Variants in KPNA7 observed in about 807,000 individuals in gnomAD.
KPNA7 encodes importin subunit alpha-8.
Under a neutral mutation model 53.7 loss-of-function variants are expected in KPNA7, and 54 were observed. That is an observed-to-expected ratio of 1.01 (90% CI 0.81 to 1.26). KPNA7 has a LOEUF of 1.26. Ranked by LOEUF, KPNA7 falls within the 50% of genes most tolerant of loss-of-function variation. KPNA7 has a pLI of 0.00. For missense variants in KPNA7, 640 were observed against 644.5 expected (o/e 0.99, Z 0.07); for synonymous variants, 276 against 259.3 (o/e 1.06, Z -0.62).
chr7:99,183,344 C>T (rs1483927013), intron 8 of KPNA7, among the ~76,000 whole-genome samples: 1 of 152,070 alleles, frequency 6.6e-6, no homozygotes, highest in Admixed American at 6.6e-5. Context: ...TTCTTCTATT[C>T]CTGGGTAGGA....
chr7:99,151,551 ACTGATCCTCC>A, the KPNA7 span, among the ~76,000 whole-genome samples: 1 of 150,786 alleles, frequency 6.6e-6, no homozygotes, highest in East Asian at 2.0e-4. Flanking sequence ...CCTGGGCTTG[ACTGATCCTCC>A]AGCCTCAGGC....
intron 1 of KPNA7, among the ~76,000 whole-genome samples, chr7:99,216,008 T>C (rs1292644376): frequency 6.6e-6 from 1 of 151,584 alleles, no homozygotes; most frequent in Non-Finnish European, 1.5e-5. Context: ...CACTGAGTTA[T>C]ACACAGTCCA....
chr7:99,156,499 C>G, the KPNA7 span, among the ~76,000 whole-genome samples: 1 of 152,000 alleles, frequency 6.6e-6, no homozygotes, highest in African/African-American at 2.4e-5. Context: ...CCCTTTCAGC[C>G]TAGAGATTTA....
chr7:99,213,149 A>G, intron 1 of KPNA7, among the ~76,000 whole-genome samples: 1 of 146,446 alleles, frequency 6.8e-6, no homozygotes, highest in South Asian at 2.1e-4. Flanking sequence ...TTTTTTTGAG[A>G]CAGAGTCTCA....
the KPNA7 span, among the ~76,000 whole-genome samples, chr7:99,148,725 G>C: frequency 1.3e-5 from 2 of 151,998 alleles, no homozygotes; most frequent in African/African-American, 4.8e-5. Flanking sequence ...CCAAGTACCT[G>C]GGACTACAGG....
chr7:99,182,580 C>T (rs879701257), intron 8 of KPNA7, among the ~76,000 whole-genome samples: 20 of 152,094 alleles, frequency 1.3e-4, no homozygotes, highest in Admixed American at 5.9e-4. Context: ...AGTGATCCTC[C>T]CATCTCGGCC....
At chr7:99,205,551 A>G (rs1430963250) in intron 2 of KPNA7, among the ~76,000 whole-genome samples, 1 of 151,672 alleles carries the variant, frequency 6.6e-6, no homozygotes, top group African/African-American at 2.4e-5. Context: ...GATGCCAGTC[A>G]AGATACAGAG....
At chr7:99,200,371 G>C (rs1584306579) in intron 3 of KPNA7, among the ~76,000 whole-genome samples, 1 of 152,162 alleles carries the variant, frequency 6.6e-6, no homozygotes, top group South Asian at 2.1e-4. Context: ...CTTCTTATAA[G>C]AATCATCGAA....
At chr7:99,170,346 G>A (rs764362661), downstream of KPNA7, among the ~76,000 whole-genome samples, 9 of 152,152 alleles carry the variant, frequency 5.9e-5, 1 homozygote, top group Admixed American at 3.9e-4. Flanking sequence ...AAAGTGTCTC[G>A]AATTAAGTGA....
intron 10 of KPNA7, among the ~76,000 whole-genome samples, chr7:99,176,711 C>CA (rs368740635): frequency 3.3e-5 from 5 of 151,638 alleles, no homozygotes; most frequent in East Asian, 1.9e-4. Flanking sequence ...CCCATCTCTA[C>CA]AAAAAAAATA....
At chr7:99,175,956 C>T (rs1798882732) in intron 10 of KPNA7, among the ~76,000 whole-genome samples, 1 of 152,118 alleles carries the variant, frequency 6.6e-6, no homozygotes, top group Non-Finnish European at 1.5e-5. Context: ...AAACTCCTAG[C>T]CCCATGTTGA....
upstream of KPNA7, among the ~76,000 whole-genome samples, chr7:99,210,380 TCTC>T (rs766321010): frequency 1.3e-5 from 2 of 152,072 alleles, no homozygotes; most frequent in Non-Finnish European, 1.5e-5. Context: ...TCCAACTTCC[TCTC>T]CTCCTACTCC....
chr7:99,156,769 C>A, the KPNA7 span, among the ~76,000 whole-genome samples: 9 of 152,146 alleles, frequency 5.9e-5, no homozygotes, highest in Non-Finnish European at 1.3e-4. Context: ...AAATGATCCA[C>A]CCCCCTTGGC....
intron 5 of KPNA7, among the ~76,000 whole-genome samples, 195 bp downstream of exon 5, chr7:99,194,875 G>C (rs1790146064): frequency 6.6e-6 from 1 of 152,088 alleles, no homozygotes; most frequent in African/African-American, 2.4e-5. Context: ...AACATGCTGG[G>C]ATTACAGACG....
upstream of KPNA7, among the ~76,000 whole-genome samples, chr7:99,209,486 C>A (rs1276828641): frequency 1.3e-5 from 2 of 151,904 alleles, no homozygotes; most frequent in African/African-American, 2.4e-5. Context: ...GAGTTCGAGA[C>A]CAGCCAGACC....
intron 6 of KPNA7, 99 bp downstream of exon 6, chr7:99,192,920 C>G: frequency 1.2e-6 from 1 of 830,292 alleles, no homozygotes; most frequent in Non-Finnish European, 1.8e-6. Context: ...GCCAGGAGTT[C>G]AAGACCAGCC....
At chr7:99,172,855 G>A (rs1798794372), downstream of KPNA7, among the ~76,000 whole-genome samples, 1 of 152,030 alleles carries the variant, frequency 6.6e-6, no homozygotes, top group Admixed American at 6.6e-5. Flanking sequence ...CTGAGGTCAT[G>A]AGTTTGAGAC....
At position 99,191,160 on chromosome 7, in the gene KPNA7, ATTT is replaced by A. The variant is rs5886098; in HGVS notation, c.636+1856_636+1858del. Reference sequence around the variant, plus strand: ...CTTCACCATCTCCCTCTGCTATACAATTTTTTTTTTTTTTTTGAGATGGAGTCT... The same window carrying A: ...CTTCACCATCTCCCTCTGCTATACAATTTTTTTTTTTTTGAGATGGAGTCT... On this transcript the variant is annotated intron_variant, in intron 6 of 10. Coordinates refer to ENST00000327442, the MANE Select transcript of KPNA7 (RefSeq NM_001145715.3). Among the ~76,000 whole-genome samples the A allele has an allele frequency of 5.9e-3, 792 of 134,690 alleles. 7 individuals are homozygous for A. The highest frequency in any genetic ancestry group is 0.021 in the African/African-American group (769 of 37,290). 88.4% of individuals were successfully genotyped at this position (134,690 alleles called of 152,430 possible).
intron 3 of KPNA7, among the ~76,000 whole-genome samples, chr7:99,198,995 A>AAC (rs1790370091): frequency 6.6e-6 from 1 of 151,784 alleles, no homozygotes; most frequent in African/African-American, 2.4e-5. Flanking sequence ...TTTAATTTAC[A>AAC]ACATAAAAAG....
Sources: allele counts gnomAD v4.1 joint callset (sites outside exome capture counted in the v4.1 genomes callset), GRCh38; gene constraint gnomAD v4.1.1; transcripts MANE v1.5; gene names NCBI Gene and HGNC (gene_info 2026-07-23, HGNC 2026-07-21).